The following SLC25A26 variants were observed in gnomAD, a reference collection of about 807,000 sequenced individuals.
The protein encoded by SLC25A26 is mitochondrial S-adenosylmethionine carrier protein.
In SLC25A26, 36 loss-of-function variants were observed where a neutral mutation model predicts 37.8. The ratio of observed to expected loss-of-function variants is 0.95; its 90% CI spans 0.73 to 1.26. SLC25A26 has a LOEUF of 1.26. Among genes scored for constraint, SLC25A26 ranks in the 50% most tolerant of loss-of-function variants. The pLI, the probability that SLC25A26 is intolerant of heterozygous loss-of-function variation, is 0.00. For missense variants in SLC25A26, 390 were observed against 331.1 expected (o/e 1.18, Z -1.38); for synonymous variants, 129 against 122.5 (o/e 1.05, Z -0.35).
At chr3:66,351,366 A>C (rs967303031) in intron 6 of SLC25A26, among the ~76,000 whole-genome samples, 1 of 152,200 alleles carries the variant, frequency 6.6e-6, no homozygotes, top group African/African-American at 2.4e-5. Context: ...AAAGCGGTAG[A>C]TTATCATATC....
chr3:66,197,582 C>G (rs1432300706), intron 1 of SLC25A26, among the ~76,000 whole-genome samples: 1 of 151,894 alleles, frequency 6.6e-6, no homozygotes, highest in African/African-American at 2.4e-5. Flanking sequence ...AAGCAAGGGT[C>G]AAGGTCAATG....
chr3:66,221,051 TC>T lies in SLC25A26; in HGVS notation c.-43del. Reference sequence around the variant, plus strand: ...CCAGCGCGCGAGGACGTGATCCGCTTCTGCTCCGGCTTGGATTGTAGCCTTG... The same window carrying T: ...CCAGCGCGCGAGGACGTGATCCGCTTTGCTCCGGCTTGGATTGTAGCCTTG... On this transcript the variant is annotated 5_prime_UTR_variant, in exon 1 of 10. The change abolishes the stop of an existing upstream ORF in the 5' untranslated region. Transcript: ENST00000354883. 12 of 1,535,410 alleles carry T rather than the reference TC, an allele frequency of 7.8e-6. No individual in the cohort carries two copies. The highest frequency in any genetic ancestry group is 1.0e-5 in the Non-Finnish European group (12 of 1,145,798).
chr3:66,343,206 T>G (rs769500760), intron 5 of SLC25A26, among the ~76,000 whole-genome samples: 4 of 152,244 alleles, frequency 2.6e-5, no homozygotes, highest in Non-Finnish European at 5.9e-5. Flanking sequence ...GGAGCTGTAT[T>G]TGCTGGCAGC....
chr3:66,337,915 T>C (rs182869857), intron 5 of SLC25A26, among the ~76,000 whole-genome samples: 1 of 152,166 alleles, frequency 6.6e-6, no homozygotes, highest in Non-Finnish European at 1.5e-5. Context: ...TTAGGTAAAA[T>C]TCATATATAT....
intron 5 of SLC25A26, among the ~76,000 whole-genome samples, chr3:66,280,782 C>T (rs1315285024): frequency 6.6e-6 from 1 of 152,024 alleles, no homozygotes; most frequent in Non-Finnish European, 1.5e-5. Context: ...ATCTGCTCTG[C>T]TCCTCTTTCT....
At chr3:66,209,167 G>C (rs1193219550) in intron 1 of SLC25A26, among the ~76,000 whole-genome samples, 1 of 12,432 alleles carries the variant, frequency 8.0e-5, no homozygotes, top group African/African-American at 1.1e-4. Context: ...ACTTTTATAG[G>C]TATATAAAGA....
chr3:66,213,067 C>T (rs910540994), intron 1 of SLC25A26, among the ~76,000 whole-genome samples: 5 of 152,052 alleles, frequency 3.3e-5, no homozygotes, highest in Non-Finnish European at 5.9e-5. Context: ...GAGGATAAAA[C>T]GTGACTAAGG....
chr3:66,217,879 T>A (rs1162309409), upstream of SLC25A26, among the ~76,000 whole-genome samples: 1 of 152,188 alleles, frequency 6.6e-6, no homozygotes, highest in Non-Finnish European at 1.5e-5. Context: ...AGTACAACCA[T>A]TCTAATTGTG....
intron 5 of SLC25A26, among the ~76,000 whole-genome samples, chr3:66,330,173 C>G (rs774555030): frequency 6.6e-6 from 1 of 152,134 alleles, no homozygotes; most frequent in Non-Finnish European, 1.5e-5. Context: ...AAAAGTGACT[C>G]CAGGGTCTGC....
At chr3:66,269,498 A>G (rs2107342278) in intron 5 of SLC25A26, among the ~76,000 whole-genome samples, 1 of 152,332 alleles carries the variant, frequency 6.6e-6, no homozygotes, top group Non-Finnish European at 1.5e-5. Context: ...TATAAAAAGT[A>G]AAGTTACCCT....
At chr3:66,343,481 G>A (rs2107726324) in intron 5 of SLC25A26, among the ~76,000 whole-genome samples, 1 of 152,300 alleles carries the variant, frequency 6.6e-6, no homozygotes, top group East Asian at 1.9e-4. Flanking sequence ...TAAATACCCA[G>A]TGGAATAGTA....
intron 5 of SLC25A26, among the ~76,000 whole-genome samples, chr3:66,301,360 G>C (rs1211934363): frequency 6.6e-6 from 1 of 152,172 alleles, no homozygotes; most frequent in African/African-American, 2.4e-5. Flanking sequence ...ACAGTGTGTA[G>C]GACAAGTTCA....
At chr3:66,140,562 C>T (rs1303344837) in intron 1 of SLC25A26, among the ~76,000 whole-genome samples, 1 of 152,164 alleles carries the variant, frequency 6.6e-6, no homozygotes, top group Non-Finnish European at 1.5e-5. Context: ...AGGATGCACG[C>T]TGAGGTAAAA....
chr3:66,360,791 T>G (rs944034387), intron 6 of SLC25A26, among the ~76,000 whole-genome samples: 8 of 152,204 alleles, frequency 5.3e-5, no homozygotes, highest in Non-Finnish European at 8.8e-5. Flanking sequence ...GCCATGCCTG[T>G]GAGAAGAAAA....
chr3:66,319,222 T>C (rs2075624619), intron 5 of SLC25A26, among the ~76,000 whole-genome samples: 1 of 151,694 alleles, frequency 6.6e-6, no homozygotes, highest in African/African-American at 2.4e-5. Context: ...ACATTTCCTG[T>C]ATATTAGGAG....
intron 5 of SLC25A26, among the ~76,000 whole-genome samples, chr3:66,332,081 G>A (rs1280535616): frequency 2.6e-5 from 4 of 151,982 alleles, no homozygotes; most frequent in South Asian, 2.1e-4. Flanking sequence ...ACAGGTGCGC[G>A]ACACCAAAAA....
chr3:66,332,975 T>G (rs942260424), intron 5 of SLC25A26, among the ~76,000 whole-genome samples: 2 of 152,144 alleles, frequency 1.3e-5, no homozygotes, highest in African/African-American at 4.8e-5. Flanking sequence ...AGATGTTGTG[T>G]TTGGGGTTTG....
intron 1 of SLC25A26, among the ~76,000 whole-genome samples, chr3:66,200,114 T>C (rs1453200150): frequency 6.6e-6 from 1 of 152,242 alleles, no homozygotes; most frequent in Non-Finnish European, 1.5e-5. Context: ...GTAAAAAATA[T>C]AAACAAATAT....
At chr3:66,165,341 T>C (rs1438671273) in intron 1 of SLC25A26, among the ~76,000 whole-genome samples, 1 of 152,234 alleles carries the variant, frequency 6.6e-6, no homozygotes, top group African/African-American at 2.4e-5. Context: ...GCTAAGCTGC[T>C]TTTGAATTCT....
Sources: gnomAD v4.1 joint callset for allele counts (sites outside exome capture counted in the v4.1 genomes callset) on GRCh38, gnomAD v4.1.1 for gene constraint, MANE v1.5 for transcripts, NCBI Gene and HGNC (gene_info 2026-07-23, HGNC 2026-07-21) for gene names.